Variants in POLR1C observed in about 807,000 individuals in gnomAD.
POLR1C encodes the protein RNA polymerase I and III subunit C.
A neutral mutation model predicts 38.3 loss-of-function variants in POLR1C; 42 were observed. The ratio of observed to expected loss-of-function variants is 1.10; its 90% CI spans 0.86 to 1.42. POLR1C has a LOEUF of 1.42. POLR1C is among the 40% of genes most tolerant of loss of function. POLR1C has a pLI of 0.00. For missense variants in POLR1C, 507 were observed against 450.5 expected, an observed-to-expected ratio of 1.13 and a Z score of -1.14; for synonymous variants, 163 against 163.9, an observed-to-expected ratio of 0.99 and a Z score of 0.04.
At chr6:43,531,493 G>C (rs375258827), downstream of POLR1C, 106 of 1,613,528 alleles carry the variant, frequency 6.6e-5, no homozygotes, top group Non-Finnish European at 8.6e-5. Flanking sequence ...TTTCATAGAG[G>C]GTAGAGAAGA....
chr6:43,529,250 T>A lies in POLR1C; in HGVS notation c.924T>A (p.Cys308Ter). Residue 308 changes from cysteine to a stop codon, truncating the protein, a stop_gained and splice_region_variant, in exon 9 of 9, where the codon TGT becomes TGA. Transcript: ENST00000304004. LOFTEE classifies it low-confidence loss of function (END_TRUNC). ...TCACCATTCTCCTTATAATTTCAGGTAAGAAAGATTTGCTGGCTGCGGTGG... is the reference window on the plus strand; with the variant it reads ...TCACCATTCTCCTTATAATTTCAGGAAAGAAAGATTTGCTGGCTGCGGTGG... 1 of 1,376,214 alleles carries A rather than the reference T, an allele frequency of 7.3e-7. No homozygotes were observed. The highest frequency in any genetic ancestry group is 1.1e-5 in the South Asian group (1 of 88,110). 85.3% of individuals were successfully genotyped at this position (1,376,214 alleles called of 1,614,324 possible). A position where few individuals can be genotyped will look rare whatever the true frequency, so the allele number is the denominator to read the frequency against.
intron 9 of POLR1C, chr6:43,544,345 A>C (rs1403246873): frequency 2.6e-5 from 4 of 152,932 alleles, no homozygotes; most frequent in Admixed American, 2.0e-4. Context: ...GGAGAAAGAC[A>C]TAGTGAACAC....
At chr6:43,524,852 G>C (rs754782929), downstream of POLR1C, 6 of 1,613,634 alleles carry the variant, frequency 3.7e-6, no homozygotes, top group South Asian at 6.6e-5. Flanking sequence ...ATATCTGGAA[G>C]GCCAGATGGA....
intron 9 of POLR1C, among the ~76,000 whole-genome samples, chr6:43,543,236 T>C (rs1794789612): frequency 6.6e-6 from 1 of 152,118 alleles, no homozygotes; most frequent in Non-Finnish European, 1.5e-5. Context: ...GAGGATCTCT[T>C]GAGCCCATGA....
chr6:43,546,421 T>A lies in POLR1C; in HGVS notation c.*5-4547T>A, dbSNP rs1419478049. 4 of 730,244 alleles carry A rather than the reference T, an allele frequency of 5.5e-6. No individual in the cohort carries two copies. The African/African-American group carries it at 5.5e-5, about 10-fold the overall frequency. The allele number at this position is 730,244 out of a possible 1,614,324, so 45.2% of individuals were successfully genotyped here. A position where few individuals can be genotyped will look rare whatever the true frequency, so the allele number is the denominator to read the frequency against. On this transcript the variant is annotated intron_variant, in intron 9 of 10. Transcript: ENST00000607635. ...AAGTGAGAGCTGATGTTATTTTTTTTAAAACTGAGACACCCTCTAGAAAGA... is the reference window on the plus strand; with the variant it reads ...AAGTGAGAGCTGATGTTATTTTTTTAAAAACTGAGACACCCTCTAGAAAGA...
intron 2 of POLR1C, among the ~76,000 whole-genome samples, chr6:43,518,151 A>C (rs1792939018): frequency 1.3e-5 from 2 of 152,242 alleles, no homozygotes; most frequent in South Asian, 4.1e-4. Context: ...AATAGTTCTT[A>C]AGCAGACATG....
chr6:43,542,161 A>T (rs1012010009), intron 9 of POLR1C, among the ~76,000 whole-genome samples: 5 of 151,532 alleles, frequency 3.3e-5, no homozygotes, highest in African/African-American at 1.2e-4. Flanking sequence ...TTTAATTTTT[A>T]TTTTTTTTCT....
downstream of POLR1C, among the ~76,000 whole-genome samples, chr6:43,533,149 A>C (rs966523010): frequency 6.6e-6 from 1 of 151,904 alleles, no homozygotes; most frequent in Non-Finnish European, 1.5e-5. Context: ...ACAAAACAAA[A>C]CAAAAAAGGT....
At chr6:43,523,720 C>T (rs781443604), downstream of POLR1C, 1 of 1,262,640 alleles carries the variant, frequency 7.9e-7, no homozygotes, top group Non-Finnish European at 1.2e-6. Flanking sequence ...TGCACAGGGC[C>T]TGTTCTCTCC....
chr6:43,547,709 TG>T lies in POLR1C; in HGVS notation c.*5-3258del, dbSNP rs1582221914. 9.9e-6 allele frequency: 16 copies of T among 1,613,852 alleles called. No homozygotes were observed. The East Asian group carries it at 3.3e-4, about 34-fold the overall frequency. On this transcript the variant is annotated intron_variant, in intron 9 of 10. Coordinates refer to the POLR1C transcript ENST00000607635. ...AAAGCATCAACATCTGACAGCACTC[TG>T]AAGGTTGGAGGGGGAAAAACAAGTT...
At chr6:43,541,617 G>A (rs765012218) in intron 9 of POLR1C, among the ~76,000 whole-genome samples, 4 of 146,728 alleles carry the variant, frequency 2.7e-5, no homozygotes, top group Non-Finnish European at 5.9e-5. Context: ...TGAGGCAATC[G>A]CCAATGTACT....
At chr6:43,557,518 T>C (rs1002633920) in intron 10 of POLR1C, among the ~76,000 whole-genome samples, 6 of 151,898 alleles carry the variant, frequency 4.0e-5, no homozygotes, top group Non-Finnish European at 5.9e-5. Context: ...CAATAGACCA[T>C]GTATGATTCA....
intron 10 of POLR1C, among the ~76,000 whole-genome samples, chr6:43,559,649 C>T (rs375405653): frequency 2.6e-5 from 4 of 152,246 alleles, no homozygotes; most frequent in African/African-American, 9.6e-5. Context: ...ATGGTCACTG[C>T]TCTTGCCCTA....
At chr6:43,530,763 G>A (rs1388130617), downstream of POLR1C, 1 of 1,613,950 alleles carries the variant, frequency 6.2e-7, no homozygotes, top group African/African-American at 1.3e-5. Flanking sequence ...TGGGTAGCAA[G>A]GTCCTCCACA....
chr6:43,525,242 A>G, downstream of POLR1C: 1 of 1,550,926 alleles, frequency 6.4e-7, no homozygotes, highest in Non-Finnish European at 8.7e-7. Context: ...AAGAGTTACA[A>G]TGGAAAAAGA....
At chr6:43,526,585 G>T in intron 8 of POLR1C, 1 of 1,333,144 alleles carries the variant, frequency 7.5e-7, no homozygotes, top group Non-Finnish European at 1.1e-6. Flanking sequence ...CATGTAGGGT[G>T]TCTTCTCCTC....
Position 43,539,992 on chromosome 6 carries a change from C to T in POLR1C, c.*4+10633C>T, listed in dbSNP as rs371967361. Among the ~76,000 whole-genome samples the T allele has an allele frequency of 7.9e-5, 12 of 152,366 alleles. No homozygotes were observed. In the South Asian group the frequency reaches 1.0e-3, roughly 13 times the overall value. On this transcript the variant is annotated intron_variant, in intron 9 of 10. Transcript: ENST00000607635. ...AGACGGGGCTGGGCACAGTGGCTCA[C>T]GCCTATAATCCCAATACTTTGGGAG... is the stretch of plus-strand genomic sequence containing the variant.
downstream of POLR1C, chr6:43,525,708 T>G (rs1255302781): frequency 1.0e-6 from 1 of 992,920 alleles, no homozygotes; most frequent in African/African-American, 1.6e-5. Flanking sequence ...TTCTGGGGCC[T>G]TTGGAACCAG....
downstream of POLR1C, chr6:43,531,424 C>A: frequency 6.6e-7 from 1 of 1,525,902 alleles, no homozygotes; most frequent in Non-Finnish European, 9.1e-7. Context: ...CATGGACATT[C>A]CTATACAATA....
Sources: gnomAD v4.1 joint callset for allele counts (sites outside exome capture counted in the v4.1 genomes callset) on GRCh38, gnomAD v4.1.1 for gene constraint, MANE v1.5 for transcripts, NCBI Gene and HGNC (gene_info 2026-07-23, HGNC 2026-07-21) for gene names.